ZNF793: variants seen among roughly 807,000 people sequenced by gnomAD.
ZNF793 encodes the protein zinc finger protein 793.
A neutral mutation model predicts 12.4 loss-of-function variants in ZNF793; 5 were observed. That is an observed-to-expected ratio of 0.40 (90% CI 0.21 to 0.84). The LOEUF (loss-of-function observed/expected upper bound fraction) is 0.84. ZNF793 is among the 40% of genes least tolerant of loss of function. ZNF793 has a pLI of 0.35. For missense variants in ZNF793, 456 were observed against 495.0 expected (o/e 0.92, Z 0.75); for synonymous variants, 162 against 172.4 (o/e 0.94, Z 0.47).
intron 5 of ZNF793, among the ~76,000 whole-genome samples, chr19:37,524,016 G>C (rs909798559): frequency 6.6e-6 from 1 of 151,886 alleles, no homozygotes; most frequent in Non-Finnish European, 1.5e-5. Context: ...TGGGCATGGT[G>C]GTGGGTGCCT....
At chr19:37,526,062 G>A (rs188705374) in intron 5 of ZNF793, among the ~76,000 whole-genome samples, 11 of 152,174 alleles carry the variant, frequency 7.2e-5, no homozygotes, top group East Asian at 1.9e-4. Flanking sequence ...CGGGCAGGCC[G>A]GGACCCTGAG....
chr19:37,521,246 C>T (rs778333230), intron 3 of ZNF793, among the ~76,000 whole-genome samples: 2 of 152,050 alleles, frequency 1.3e-5, no homozygotes, highest in Admixed American at 6.6e-5. Flanking sequence ...CTCGGCCTCC[C>T]AAAGTGCTGG....
Position 37,526,053 on chromosome 19 carries a change from G to A in ZNF793, c.15+2599G>A, listed in dbSNP as rs548857100. Reference sequence around the variant, plus strand: ...TCACAGGAGATGGTGCCATCCCATCGGGCAGGCCGGGACCCTGAGATTTAC... The same window carrying A: ...TCACAGGAGATGGTGCCATCCCATCAGGCAGGCCGGGACCCTGAGATTTAC... On this transcript the variant is annotated intron_variant, in intron 5 of 7. Transcript: ENST00000627814. Among the ~76,000 whole-genome samples the A allele has an allele frequency of 3.3e-5, 5 of 152,134 alleles. 1 individual carries two copies. Among genetic ancestry groups the A allele is most frequent in the South Asian group, 4.2e-4 (2 of 4,818 alleles).
intron 5 of ZNF793, among the ~76,000 whole-genome samples, chr19:37,526,372 C>A (rs1353984780): frequency 1.3e-5 from 2 of 152,126 alleles, no homozygotes; most frequent in African/African-American, 4.8e-5. Flanking sequence ...CTCGGCCTCC[C>A]AAAGTGCTGG....
chr19:37,537,740 A>G lies in ZNF793; in HGVS notation c.1082A>G (p.His361Arg), dbSNP rs1292285548. The change falls in exon 8 of 8, where the codon CAC becomes CGC. Residue 361 changes from histidine (H) to arginine (R), a missense_variant. Coordinates refer to ENST00000627814, the MANE Select transcript of ZNF793 (RefSeq NM_001013659.3). ...TGCCTCAATAAACATTGGAGAACTC[A>G]CACAGGAGAGAAGCCCTATGGGTGC... Reference protein sequence around the residue: ...KSCLNKHWRTHTGEKPYGCNE... With the variant: ...KSCLNKHWRTRTGEKPYGCNE... The G allele has an allele frequency of 1.9e-6, 3 of 1,614,020 alleles. No homozygotes were observed. The highest frequency in any genetic ancestry group is 2.5e-6 in the Non-Finnish European group (3 of 1,180,012).
At chr19:37,532,543 G>C in intron 6 of ZNF793, 61 bp downstream of exon 6, 2 of 1,498,454 alleles carry the variant, frequency 1.3e-6, no homozygotes, top group Non-Finnish European at 1.8e-6. Context: ...TCCTTTCTCA[G>C]TTGCTAAAAG....
chr19:37,533,454 T>C (rs773197560), intron 7 of ZNF793, 51 bp downstream of exon 7: 18 of 1,533,372 alleles, frequency 1.2e-5, no homozygotes, highest in Non-Finnish European at 8.1e-6. Context: ...CTGGCACCTT[T>C]GGAATTTTGT....
At chr19:37,526,682 T>A (rs1336787043) in intron 5 of ZNF793, among the ~76,000 whole-genome samples, 4 of 152,204 alleles carry the variant, frequency 2.6e-5, no homozygotes, top group African/African-American at 9.7e-5. Flanking sequence ...CTGCTTTTGG[T>A]CCTGCCTTTA....
At chr19:37,533,624 C>T in intron 7 of ZNF793, 2 of 488,364 alleles carry the variant, frequency 4.1e-6, no homozygotes, top group South Asian at 3.6e-5. Flanking sequence ...ATCTCTCTTT[C>T]TCCAGAATCT....
chr19:37,536,208 C>T (rs1472642675), intron 7 of ZNF793: 3 of 373,642 alleles, frequency 8.0e-6, no homozygotes, highest in African/African-American at 2.1e-5. Flanking sequence ...AGTGCTTTAC[C>T]GTTTATATTG....
chr19:37,538,950 CAA>C lies in ZNF793; in HGVS notation c.*1077_*1078del, dbSNP rs1280459088. 6.6e-6 allele frequency: 1 copy of C among 151,998 alleles called. No individual in the cohort carries two copies. The highest frequency in any genetic ancestry group is 1.5e-5 in the Non-Finnish European group (1 of 67,984). 9.4% of individuals were successfully genotyped at this position (151,998 alleles called of 1,614,324 possible). A position where few individuals can be genotyped will look rare whatever the true frequency, so the allele number is the denominator to read the frequency against. ...ATTGTCTTTTGATGTCTTAACAATA[CAA>C]AAAAATAACAACAACATGGCCCACT... On this transcript the variant is annotated 3_prime_UTR_variant, in exon 8 of 8. Coordinates refer to ENST00000627814, the MANE Select transcript of ZNF793 (RefSeq NM_001013659.3).
intron 7 of ZNF793, chr19:37,536,390 A>G (rs2042504956): frequency 5.0e-6 from 2 of 399,276 alleles, no homozygotes; most frequent in South Asian, 1.3e-4. Context: ...AGTAAGGCCA[A>G]AATTGCCACT....
At chr19:37,507,411 TC>T (rs2147046975) in intron 1 of ZNF793, 1 of 152,376 alleles carries the variant, frequency 6.6e-6, no homozygotes, top group Admixed American at 6.5e-5. Context: ...GGATCAGTGA[TC>T]GGAGGTTCTA....
In ZNF793 at chr19:37,538,979, T is replaced by C. The variant is rs1008059977; in HGVS notation, c.*1100T>C. The C allele has an allele frequency of 2.6e-5, 4 of 152,244 alleles. No homozygotes were observed. The highest frequency in any genetic ancestry group is 4.4e-5 in the Non-Finnish European group (3 of 68,042). The allele number at this position is 152,244 out of a possible 1,614,324, so 9.4% of individuals were successfully genotyped here. A position where few individuals can be genotyped will look rare whatever the true frequency, so the allele number is the denominator to read the frequency against. On this transcript the variant is annotated 3_prime_UTR_variant, in exon 8 of 8. Transcript: ENST00000627814. The stretch of plus-strand genomic sequence containing the variant: ...AAAATAACAACAACATGGCCCACTA[T>C]TGTTAAAAGAACTTTATTATACCAG...
chr19:37,509,830 A>T (rs2042279284), intron 2 of ZNF793, among the ~76,000 whole-genome samples: 1 of 152,218 alleles, frequency 6.6e-6, no homozygotes. Context: ...CTCAGATCAG[A>T]AAACAACATT....
chr19:37,532,389 T>G lies in ZNF793; in HGVS notation c.49T>G (p.Phe17Val). 6.2e-7 allele frequency: 1 copy of G among 1,614,156 alleles called. No homozygotes were observed. Among genetic ancestry groups the G allele is most frequent in the Non-Finnish European group, 8.5e-7 (1 of 1,180,008 alleles). ...PVSFKDVVVG[F>V]TQEEWHRLSP... ...GTCATTCAAAGATGTGGTTGTGGGC[T>G]TCACCCAAGAGGAGTGGCACCGGCT... Residue 17 changes from phenylalanine (F) to valine (V), a missense_variant, in exon 6 of 8, where the codon TTC becomes GTC. Phe to Val is a conservative substitution (Grantham distance 50). Coordinates refer to ENST00000627814, the MANE Select transcript of ZNF793 (RefSeq NM_001013659.3).
At chr19:37,516,166 CTCT>C (rs1192378741) in intron 2 of ZNF793, among the ~76,000 whole-genome samples, 1 of 152,110 alleles carries the variant, frequency 6.6e-6, no homozygotes, top group African/African-American at 2.4e-5. Flanking sequence ...AAGAGTTTCC[CTCT>C]TCTTGCCCAG....
At chr19:37,530,506 A>G (rs1172727304) in intron 5 of ZNF793, among the ~76,000 whole-genome samples, 1 of 152,058 alleles carries the variant, frequency 6.6e-6, no homozygotes. Flanking sequence ...GGTACTTGAG[A>G]TTAGGGAGTG....
chr19:37,533,727 G>A, intron 7 of ZNF793: 1 of 459,574 alleles, frequency 2.2e-6, no homozygotes, highest in Non-Finnish European at 3.8e-6. Flanking sequence ...CAGATAAAAT[G>A]CTTCAGAGCT....
Sources: gnomAD v4.1 joint callset for allele counts (sites outside exome capture counted in the v4.1 genomes callset) on GRCh38, gnomAD v4.1.1 for gene constraint, MANE v1.5 for transcripts, NCBI Gene and HGNC (gene_info 2026-07-23, HGNC 2026-07-21) for gene names.